Variants in ERC2 observed in about 807,000 individuals in gnomAD.
ERC2 encodes ELKS/RAB6-interacting/CAST family member 2, also known as ERC protein 2.
ERC2 carries 42 observed loss-of-function variants against 114.8 expected under a neutral mutation model. That is an observed-to-expected ratio of 0.37 (90% CI 0.29 to 0.47). The LOEUF (loss-of-function observed/expected upper bound fraction) is 0.47. Among genes scored for constraint, ERC2 ranks in the 20% least tolerant of loss-of-function variants. The probability of loss-of-function intolerance (pLI) is 0.99; values close to 1 mark genes in which losing one functional copy is unlikely to be tolerated. For synonymous variants in ERC2, 454 were observed against 425.5 expected, an observed-to-expected ratio of 1.07 and a Z score of -0.82; for missense variants, 939 against 1,150.7, an observed-to-expected ratio of 0.82 and a Z score of 2.66.
At position 56,434,408 on chromosome 3, in the gene ERC2, C is replaced by T; in HGVS notation, c.600G>A (p.Glu200=). Residue 200 remains glutamate (E), a synonymous_variant, in exon 2 of 18, where the codon GAG becomes GAA. Coordinates refer to ENST00000288221, the MANE Select transcript of ERC2 (RefSeq NM_015576.3). ...LKKERVLRKE[E]AARMSVLKEQ... is the part of the protein sequence containing the mutation. ...CCTTGAGGACAGACATCCGCGCTGC[C>T]TCTTCTTTCCTCAAGACTCTCTCCT... The T allele has an allele frequency of 2.5e-6, 4 of 1,613,984 alleles. No homozygotes were observed. Among genetic ancestry groups the T allele is most frequent in the Non-Finnish European group, 2.5e-6 (3 of 1,179,892 alleles).
At chr3:55,766,223 C>T (rs1312007280) in intron 14 of ERC2, among the ~76,000 whole-genome samples, 3 of 145,194 alleles carry the variant, frequency 2.1e-5, no homozygotes, top group African/African-American at 5.2e-5. Context: ...GGAGAGGGGG[C>T]ATCTGCCCCC....
chr3:56,390,317 T>C (rs1278165189), intron 2 of ERC2, among the ~76,000 whole-genome samples: 1 of 152,198 alleles, frequency 6.6e-6, no homozygotes, highest in Non-Finnish European at 1.5e-5. Context: ...ATAATGCTCT[T>C]ATTTCTATAC....
chr3:56,101,259 A>C (rs2078338971), intron 6 of ERC2, among the ~76,000 whole-genome samples: 1 of 152,286 alleles, frequency 6.6e-6, no homozygotes, highest in Admixed American at 6.5e-5. Flanking sequence ...AGGAAAACGG[A>C]CATCACAAGA....
chr3:56,419,844 ATCAGCTCTCAAAGTGTACATGG>A (rs1559477431), intron 2 of ERC2, among the ~76,000 whole-genome samples: 1 of 152,224 alleles, frequency 6.6e-6, no homozygotes, highest in Non-Finnish European at 1.5e-5. Context: ...TGACATTTTC[ATCAGCTCTCAAAGTGTACATGG>A]CTTCCCAAAG....
chr3:56,146,295 C>G (rs994261352), intron 5 of ERC2, among the ~76,000 whole-genome samples: 1 of 151,346 alleles, frequency 6.6e-6, no homozygotes. Flanking sequence ...TCAAAACAAA[C>G]GAACAAAAAA....
At chr3:55,809,511 A>G (rs191115664) in intron 14 of ERC2, among the ~76,000 whole-genome samples, 3 of 152,338 alleles carry the variant, frequency 2.0e-5, no homozygotes, top group Admixed American at 2.0e-4. Flanking sequence ...TATTCATCTG[A>G]CAAGGGACTG....
intron 2 of ERC2, among the ~76,000 whole-genome samples, chr3:56,405,542 GA>G (rs745933282): frequency 2.6e-5 from 4 of 152,076 alleles, no homozygotes; most frequent in Non-Finnish European, 4.4e-5. Flanking sequence ...GAAAGGAAAG[GA>G]AAAGAATCAA....
intron 5 of ERC2, 123 bp from the exon 6 acceptor site, chr3:56,139,799 C>T (rs946314809): frequency 2.6e-5 from 28 of 1,086,446 alleles, no homozygotes; most frequent in Middle Eastern, 5.9e-4. Context: ...AGGCAGGCCA[C>T]GAATTTGCTT....
At chr3:56,438,654 G>A (rs1434060309) in intron 1 of ERC2, among the ~76,000 whole-genome samples, 3 of 152,256 alleles carry the variant, frequency 2.0e-5, no homozygotes, top group Middle Eastern at 3.4e-3. Context: ...TTCTAACTGG[G>A]CCACCACTTA....
chr3:56,318,183 T>TG (rs2056959129), intron 2 of ERC2, among the ~76,000 whole-genome samples: 1 of 152,200 alleles, frequency 6.6e-6, no homozygotes. Flanking sequence ...TTAAAATGTA[T>TG]GTCTGTCTCT....
At chr3:56,125,221 T>C (rs1198871976) in intron 6 of ERC2, among the ~76,000 whole-genome samples, 1 of 152,178 alleles carries the variant, frequency 6.6e-6, no homozygotes, top group African/African-American at 2.4e-5. Flanking sequence ...TTCTAAAATA[T>C]GTAGGATAAA....
At chr3:55,713,338 G>A (rs1396287242) in intron 15 of ERC2, among the ~76,000 whole-genome samples, 1 of 151,928 alleles carries the variant, frequency 6.6e-6, no homozygotes, top group Non-Finnish European at 1.5e-5. Context: ...AGCCTCCCAA[G>A]TAGCTAGGAT....
chr3:55,839,364 A>G (rs545313773), intron 14 of ERC2, among the ~76,000 whole-genome samples: 13 of 151,848 alleles, frequency 8.6e-5, no homozygotes, highest in Non-Finnish European at 1.8e-4. Context: ...ATGTAATACC[A>G]AACGGATATT....
chr3:55,711,446 C>T (rs755554297), intron 15 of ERC2, among the ~76,000 whole-genome samples: 1 of 152,178 alleles, frequency 6.6e-6, no homozygotes, highest in Admixed American at 6.5e-5. Flanking sequence ...CACATACTTA[C>T]CCTTTACAAA....
chr3:56,124,732 T>C (rs1448283470), intron 6 of ERC2, among the ~76,000 whole-genome samples: 1 of 152,100 alleles, frequency 6.6e-6, no homozygotes, highest in African/African-American at 2.4e-5. Flanking sequence ...AGACATCATC[T>C]AGAGATGACG....
intron 14 of ERC2, among the ~76,000 whole-genome samples, chr3:55,804,737 C>T (rs1190929228): frequency 6.6e-6 from 1 of 152,072 alleles, no homozygotes; most frequent in East Asian, 1.9e-4. Context: ...AGGAATGGAT[C>T]TTAAAAACCA....
chr3:56,356,489 C>T (rs1005040163), intron 2 of ERC2, among the ~76,000 whole-genome samples: 1 of 152,190 alleles, frequency 6.6e-6, no homozygotes, highest in Non-Finnish European at 1.5e-5. Flanking sequence ...TGACTATACC[C>T]TGTCGTTCAT....
chr3:56,238,503 G>A (rs557787778), intron 3 of ERC2, among the ~76,000 whole-genome samples: 6 of 152,316 alleles, frequency 3.9e-5, no homozygotes, highest in African/African-American at 7.2e-5. Flanking sequence ...AGTCTTGGGC[G>A]TGGTTCCAAC....
intron 3 of ERC2, among the ~76,000 whole-genome samples, chr3:56,214,746 A>G (rs2049333770): frequency 6.6e-6 from 1 of 152,132 alleles, no homozygotes; most frequent in South Asian, 2.1e-4. Context: ...CCAGAGAGAA[A>G]GGTCATGTTA....
Sources: allele counts gnomAD v4.1 joint callset (sites outside exome capture counted in the v4.1 genomes callset), GRCh38; gene constraint gnomAD v4.1.1; transcripts MANE v1.5; gene names NCBI Gene and HGNC (gene_info 2026-07-23, HGNC 2026-07-21).